Variants in DIS3L2 observed in about 807,000 individuals in gnomAD.
DIS3L2 encodes the protein DIS3 like 3'-5' exoribonuclease 2.
In DIS3L2, 34 loss-of-function variants were observed where a neutral mutation model predicts 97.5. The observed-to-expected ratio is 0.35, with a 90% CI of 0.27 to 0.46. The LOEUF (loss-of-function observed/expected upper bound fraction) is 0.46, where lower values mean the gene tolerates loss of function less well. Ranked by LOEUF, DIS3L2 falls within the 20% of genes least tolerant of loss-of-function variation. DIS3L2 has a pLI of 1.00. For synonymous variants in DIS3L2, 435 were observed against 445.2 expected (o/e 0.98, Z 0.29); for missense variants, 1,038 against 1,146.0 (o/e 0.91, Z 1.36).
chr2:232,266,784 C>T (rs925968338), intron 13 of DIS3L2, among the ~76,000 whole-genome samples: 1 of 152,146 alleles, frequency 6.6e-6, no homozygotes, highest in African/African-American at 2.4e-5. Flanking sequence ...ACCACTATGT[C>T]CGTGCTTTTG....
chr2:232,040,363 G>A (rs1240697453), intron 5 of DIS3L2, among the ~76,000 whole-genome samples: 1 of 152,062 alleles, frequency 6.6e-6, no homozygotes, highest in Non-Finnish European at 1.5e-5. Context: ...ACTCTTCTGA[G>A]GATCCTGCCC....
At chr2:232,168,108 G>A (rs897335506) in intron 9 of DIS3L2, among the ~76,000 whole-genome samples, 1 of 152,048 alleles carries the variant, frequency 6.6e-6, no homozygotes, top group African/African-American at 2.4e-5. Flanking sequence ...GGATATGAAT[G>A]TTTTTGTAGT....
At chr2:232,218,707 C>G (rs1174587016) in intron 10 of DIS3L2, among the ~76,000 whole-genome samples, 1 of 152,228 alleles carries the variant, frequency 6.6e-6, no homozygotes, top group East Asian at 1.9e-4. Context: ...ACATTTGATT[C>G]CTTTTCCTCT....
At position 231,992,135 on chromosome 2, in the gene DIS3L2, C is replaced by T. The variant is rs193087739; in HGVS notation, c.-93-22700C>T. On this transcript the variant is annotated intron_variant, in intron 1 of 20. Coordinates refer to ENST00000325385, the MANE Select transcript of DIS3L2 (RefSeq NM_152383.5). ...CTGTGGAACCTGCTATCAAAGATTT[C>T]GTGGTCAAATAGATGGAAAACATGA... is the stretch of plus-strand genomic sequence containing the variant. Among the ~76,000 whole-genome samples the T allele has an allele frequency of 4.1e-4, 62 of 152,232 alleles. 1 individual carries two copies. The highest frequency in any genetic ancestry group is 5.2e-4 in the Admixed American group (8 of 15,294).
chr2:232,004,316 A>T (rs531907974), intron 1 of DIS3L2, among the ~76,000 whole-genome samples: 193 of 152,032 alleles, frequency 1.3e-3, no homozygotes, highest in Non-Finnish European at 2.3e-3. Flanking sequence ...CCGGTCATCG[A>T]CCCGCCTTGA....
At chr2:232,234,258 A>G (rs1348044884) in intron 10 of DIS3L2, among the ~76,000 whole-genome samples, 1 of 152,266 alleles carries the variant, frequency 6.6e-6, no homozygotes, top group Non-Finnish European at 1.5e-5. Context: ...AACGATATGC[A>G]TAGCTGTAGT....
At chr2:232,272,268 C>G (rs1300289210) in intron 13 of DIS3L2, among the ~76,000 whole-genome samples, 3 of 152,208 alleles carry the variant, frequency 2.0e-5, no homozygotes. Context: ...GTTACAAATA[C>G]TGCTCACAGT....
chr2:232,015,469 C>T (rs930413285), intron 2 of DIS3L2, 45 bp from the exon 3 acceptor site: 2 of 1,594,622 alleles, frequency 1.3e-6, no homozygotes, highest in Non-Finnish European at 8.5e-7. Flanking sequence ...TTTAAAAATA[C>T]ACAGATGTTT....
chr2:232,314,161 C>T (rs6437060), intron 14 of DIS3L2, among the ~76,000 whole-genome samples: 2,993 of 152,338 alleles, frequency 0.02, 102 homozygotes, highest in African/African-American at 0.068. Context: ...TCCTCAGCAC[C>T]GGCCCAGCAC....
At chr2:232,102,427 T>G (rs1299933955) in intron 6 of DIS3L2, among the ~76,000 whole-genome samples, 2 of 152,184 alleles carry the variant, frequency 1.3e-5, no homozygotes, top group East Asian at 3.9e-4. Flanking sequence ...ACCATTAATT[T>G]TCTTAGGTGC....
At chr2:232,260,142 G>A (rs139181543) in intron 12 of DIS3L2, 7 of 152,404 alleles carry the variant, frequency 4.6e-5, no homozygotes, top group African/African-American at 7.2e-5. Flanking sequence ...CAGTGGAATA[G>A]AACTGAAACT....
chr2:232,247,616 C>CGGTGGGGGGGGGGG (rs1559173558), intron 11 of DIS3L2, among the ~76,000 whole-genome samples: 2 of 6,526 alleles, frequency 3.1e-4, no homozygotes, highest in Non-Finnish European at 6.3e-4. Flanking sequence ...ATAACTGCCG[C>CGGTGGGGGGGGGGG]GGGGGGGGGG....
Position 232,301,810 on chromosome 2 carries a change from T to C in DIS3L2, c.1739+1691T>C, listed in dbSNP as rs192909628. Among the ~76,000 whole-genome samples, 201 of 151,622 alleles carry C rather than the reference T, an allele frequency of 1.3e-3. 1 individual carries two copies. Among genetic ancestry groups the C allele is most frequent in the African/African-American group, 4.6e-3 (192 of 41,334 alleles). ...GGCAACAACTTATGTTGTCTTTGAC[T>C]GTGAGAAGAGAAAATAGCCTAGCTC... On this transcript the variant is annotated intron_variant, in intron 14 of 20. Transcript: ENST00000325385.
intron 9 of DIS3L2, among the ~76,000 whole-genome samples, chr2:232,172,000 A>G (rs1376970396): frequency 1.3e-5 from 2 of 152,210 alleles, no homozygotes; most frequent in African/African-American, 4.8e-5. Flanking sequence ...CATGGGAAAG[A>G]TAATTTCTAC....
intron 12 of DIS3L2, 79 bp downstream of exon 12, chr2:232,249,425 C>T (rs1408069078): frequency 2.1e-6 from 3 of 1,445,756 alleles, no homozygotes; most frequent in South Asian, 1.2e-5. Context: ...ATGTGCCTGG[C>T]ACTGGCTTGG....
chr2:232,166,805 G>A (rs1690837611), intron 9 of DIS3L2, among the ~76,000 whole-genome samples: 1 of 150,598 alleles, frequency 6.6e-6, no homozygotes, highest in African/African-American at 2.4e-5. Flanking sequence ...TGGATCACTC[G>A]AGGTCAGGAG....
At chr2:232,075,932 T>C (rs1459394405) in intron 5 of DIS3L2, among the ~76,000 whole-genome samples, 3 of 152,162 alleles carry the variant, frequency 2.0e-5, no homozygotes, top group Non-Finnish European at 4.4e-5. Context: ...GACACTCTTG[T>C]CCCCATTTTA....
chr2:232,100,192 ATTTT>A (rs10594218), intron 6 of DIS3L2, among the ~76,000 whole-genome samples: 13 of 112,488 alleles, frequency 1.2e-4, no homozygotes, highest in African/African-American at 1.0e-4. Context: ...CCCTGCTAAT[ATTTT>A]TTTTTTTTTT....
At chr2:232,020,994 C>A (rs968593894) in intron 3 of DIS3L2, among the ~76,000 whole-genome samples, 1 of 152,118 alleles carries the variant, frequency 6.6e-6, no homozygotes, top group African/African-American at 2.4e-5. Context: ...TCAAGAATAT[C>A]TGGAAATATG....
Sources: allele counts gnomAD v4.1 joint callset (sites outside exome capture counted in the v4.1 genomes callset), GRCh38; gene constraint gnomAD v4.1.1; transcripts MANE v1.5; gene names NCBI Gene and HGNC (gene_info 2026-07-23, HGNC 2026-07-21).